ADGRB3: variants seen among roughly 807,000 people sequenced by gnomAD.
ADGRB3 encodes brain-specific angiogenesis inhibitor 3.
A neutral mutation model predicts 193.4 loss-of-function variants in ADGRB3; 37 were observed. The observed-to-expected ratio is 0.19, with a 90% CI of 0.15 to 0.25. The LOEUF (loss-of-function observed/expected upper bound fraction) is 0.25. ADGRB3 is among the 10% of genes least tolerant of loss of function. The pLI is 1.00. For synonymous variants in ADGRB3, 690 were observed against 644.2 expected (o/e 1.07, Z -1.08); for missense variants, 1,637 against 1,852.9 (o/e 0.88, Z 2.14).
rs140468004 is a variant in ADGRB3, at chr6:69,173,076, C to T, written c.2481-60214C>T. ...GTTTTGAGACGAAGTCTCACTCTGT[C>T]GCCCAGGCTAGAGTACAGTGGTGTG... On this transcript the variant is annotated intron_variant, in intron 17 of 31. Transcript: ENST00000370598. 2.7e-3 allele frequency among the ~76,000 whole-genome samples: 406 copies of T among 152,260 alleles called. 1 individual carries two copies. Among genetic ancestry groups the T allele is most frequent in the African/African-American group, 9.5e-3 (394 of 41,554 alleles).
At chr6:68,948,578 A>T (rs967098588) in intron 6 of ADGRB3, among the ~76,000 whole-genome samples, 5 of 152,212 alleles carry the variant, frequency 3.3e-5, no homozygotes, top group Middle Eastern at 6.8e-3. Flanking sequence ...AAAAGCCTGA[A>T]GTTTTATGCT....
At chr6:68,647,639 TA>T (rs1464518744) in intron 3 of ADGRB3, among the ~76,000 whole-genome samples, 1 of 152,184 alleles carries the variant, frequency 6.6e-6, no homozygotes, top group Non-Finnish European at 1.5e-5. Flanking sequence ...ATACACGACT[TA>T]GATCAAGATA....
chr6:69,367,955 T>C (rs1451109847), intron 29 of ADGRB3, among the ~76,000 whole-genome samples: 1 of 126,594 alleles, frequency 7.9e-6, no homozygotes, highest in Non-Finnish European at 1.6e-5. Context: ...TGAGATCACA[T>C]GGACACAGGA....
At chr6:68,978,756 C>T (rs1285785230) in intron 10 of ADGRB3, among the ~76,000 whole-genome samples, 1 of 151,404 alleles carries the variant, frequency 6.6e-6, no homozygotes, top group Non-Finnish European at 1.5e-5. Flanking sequence ...GCATTTTTCT[C>T]CTCTAGTAGA....
intron 20 of ADGRB3, among the ~76,000 whole-genome samples, chr6:69,246,172 G>A (rs1684909108): frequency 6.6e-6 from 1 of 152,054 alleles, no homozygotes; most frequent in African/African-American, 2.4e-5. Context: ...AATGTTCATA[G>A]CCTTAAAAAG....
intron 3 of ADGRB3, among the ~76,000 whole-genome samples, chr6:68,754,771 A>T (rs542497018): frequency 6.6e-6 from 1 of 152,048 alleles, no homozygotes; most frequent in South Asian, 2.1e-4. Context: ...AAGGTTGAAG[A>T]TATCAACATG....
At chr6:69,135,555 T>G (rs899345548) in intron 17 of ADGRB3, among the ~76,000 whole-genome samples, 47 of 152,066 alleles carry the variant, frequency 3.1e-4, no homozygotes, top group African/African-American at 1.1e-3. Context: ...ACAGGCAACA[T>G]GGCATTTATA....
At chr6:69,033,645 AT>A (rs1359372509) in intron 13 of ADGRB3, among the ~76,000 whole-genome samples, 1 of 152,136 alleles carries the variant, frequency 6.6e-6, no homozygotes, top group Non-Finnish European at 1.5e-5. Context: ...CATGTGGCAT[AT>A]GTACATGAGA....
intron 15 of ADGRB3, among the ~76,000 whole-genome samples, chr6:69,061,973 A>G (rs911676036): frequency 2.6e-5 from 4 of 151,988 alleles, no homozygotes; most frequent in Non-Finnish European, 5.9e-5. Context: ...ATACTACCTC[A>G]AAAAACAAAA....
chr6:68,933,563 A>T (rs933937594), intron 4 of ADGRB3, among the ~76,000 whole-genome samples: 2 of 152,256 alleles, frequency 1.3e-5, no homozygotes, highest in Non-Finnish European at 2.9e-5. Context: ...ATTGCACTTC[A>T]GCCTGGACTA....
chr6:69,339,298 A>G (rs897054389), intron 25 of ADGRB3, 35 bp from the exon 26 acceptor site: 2 of 1,605,186 alleles, frequency 1.2e-6, no homozygotes, highest in South Asian at 2.2e-5. Context: ...GGTGTGATGT[A>G]TAGCTACGTA....
intron 3 of ADGRB3, among the ~76,000 whole-genome samples, chr6:68,661,305 ATGTGTG>A (rs1229319999): frequency 1.0e-5 from 1 of 96,748 alleles, no homozygotes; most frequent in African/African-American, 4.1e-5. Flanking sequence ...ATATATATAT[ATGTGTG>A]TGTGTGTGTG....
At chr6:69,130,874 C>T (rs1773990268) in intron 17 of ADGRB3, among the ~76,000 whole-genome samples, 1 of 152,000 alleles carries the variant, frequency 6.6e-6, no homozygotes, top group Non-Finnish European at 1.5e-5. Flanking sequence ...AGTGGTTCTT[C>T]CACCTAGCAA....
At chr6:69,255,291 C>T (rs1766733473) in intron 20 of ADGRB3, among the ~76,000 whole-genome samples, 1 of 152,190 alleles carries the variant, frequency 6.6e-6, no homozygotes, top group South Asian at 2.1e-4. Flanking sequence ...ACACTGACTT[C>T]TACAATGGTT....
rs145064471 is a variant in ADGRB3, at chr6:69,242,221, T to C, written c.2814+2995T>C. On this transcript the variant is annotated intron_variant, in intron 20 of 31. Coordinates refer to ENST00000370598, the MANE Select transcript of ADGRB3 (RefSeq NM_001704.3). ...GTATAAACTTATGATGTGCATAAACTACAAATAACTATTTTTTGAAAATGT... is the reference window on the plus strand; with the variant it reads ...GTATAAACTTATGATGTGCATAAACCACAAATAACTATTTTTTGAAAATGT... Among the ~76,000 whole-genome samples, 4 of 152,050 alleles carry C rather than the reference T, an allele frequency of 2.6e-5. No individual in the cohort carries two copies. In the East Asian group the frequency reaches 7.7e-4, roughly 29 times the overall value.
intron 3 of ADGRB3, among the ~76,000 whole-genome samples, chr6:68,926,654 T>A (rs186563060): frequency 6.6e-6 from 1 of 152,190 alleles, no homozygotes; most frequent in African/African-American, 2.4e-5. Context: ...CATTGCTAGA[T>A]AGATTACAGT....
chr6:68,798,641 A>G (rs376786616), intron 3 of ADGRB3, among the ~76,000 whole-genome samples: 1 of 152,142 alleles, frequency 6.6e-6, no homozygotes, highest in South Asian at 2.1e-4. Context: ...ATGTAACAAA[A>G]CTGCACGTTC....
chr6:69,057,827 G>A (rs999242822), intron 15 of ADGRB3, among the ~76,000 whole-genome samples: 29 of 151,792 alleles, frequency 1.9e-4, no homozygotes, highest in African/African-American at 5.6e-4. Context: ...TGCTGAATTT[G>A]GTTTGCTAGC....
chr6:68,855,645 T>G lies in ADGRB3; in HGVS notation c.758-74914T>G, dbSNP rs371568357. On this transcript the variant is annotated intron_variant, in intron 3 of 31. Transcript: ENST00000370598. ...TTAGATGATTAAAAAACTTTACTCT[T>G]CAAAGAACAATAGAAAATCATTAAA... Among the ~76,000 whole-genome samples the G allele has an allele frequency of 2.0e-5, 3 of 152,248 alleles. No individual in the cohort carries two copies. In the East Asian group the frequency reaches 5.8e-4, roughly 29 times the overall value.
Sources: allele counts gnomAD v4.1 joint callset (sites outside exome capture counted in the v4.1 genomes callset), GRCh38; gene constraint gnomAD v4.1.1; transcripts MANE v1.5; gene names NCBI Gene and HGNC (gene_info 2026-07-23, HGNC 2026-07-21).